Variants in GPC1 observed in about 807,000 individuals in gnomAD.
GPC1 encodes the protein glypican-1.
In GPC1, 26 loss-of-function variants were observed where a neutral mutation model predicts 51.5. The ratio of observed to expected loss-of-function variants is 0.50; its 90% confidence interval spans 0.37 to 0.70. The LOEUF (loss-of-function observed/expected upper bound fraction) is 0.70. Among genes scored for constraint, GPC1 ranks in the 30% least tolerant of loss-of-function variants. The pLI is 0.00. For synonymous variants in GPC1, 380 were observed against 348.3 expected (o/e 1.09, Z -1.01); for missense variants, 775 against 800.5 (o/e 0.97, Z 0.38).
At chr2:240,457,295 C>T (rs1301599461) in intron 1 of GPC1, 6 of 412,624 alleles carry the variant, frequency 1.5e-5, no homozygotes, top group Non-Finnish European at 2.7e-5. Context: ...GACAACCTGT[C>T]TCCTTGCTGT....
chr2:240,452,799 C>T (rs2074112611), intron 1 of GPC1: 1 of 150,980 alleles, frequency 6.6e-6, no homozygotes, highest in East Asian at 1.9e-4. Context: ...GGAGCCACCG[C>T]CCTCGGCCGT....
At chr2:240,464,247 G>C (rs888065168) in intron 4 of GPC1, 8 of 310,852 alleles carry the variant, frequency 2.6e-5, no homozygotes, top group Non-Finnish European at 4.4e-5. Flanking sequence ...ATACACACCA[G>C]CTCACACGGG....
chr2:240,462,419 C>G lies in GPC1; in HGVS notation c.554C>G (p.Pro185Arg), dbSNP rs1479499366. The change falls in exon 3 of 9, where the codon CCT becomes CGT. Residue 185 changes from proline to arginine, a missense_variant. Physicochemically the swap from Pro to Arg is moderately radical, Grantham distance 103. Coordinates refer to ENST00000264039, the MANE Select transcript of GPC1 (RefSeq NM_002081.3). The stretch of plus-strand genomic sequence containing the variant: ...CAGCTGCACCCCCAGCTGCTGCTGC[C>G]TGATGACTACCTGGACTGCCTGGGC... ...FKQLHPQLLL[P>R]DDYLDCLGKQ... is the part of the protein sequence containing the mutation. The G allele has an allele frequency of 6.2e-7, 1 of 1,604,456 alleles. No individual in the cohort carries two copies. The highest frequency in any genetic ancestry group is 8.5e-7 in the Non-Finnish European group (1 of 1,176,136).
chr2:240,464,416 C>T (rs2074242641), intron 4 of GPC1, 200 bp from the exon 5 acceptor site: 1 of 616,388 alleles, frequency 1.6e-6, no homozygotes, highest in Non-Finnish European at 2.9e-6. Context: ...CAGGTGCACA[C>T]GTGGGTGTGG....
intron 1 of GPC1, among the ~76,000 whole-genome samples, chr2:240,454,290 C>T (rs895417566): frequency 6.6e-6 from 1 of 152,166 alleles, no homozygotes; most frequent in Non-Finnish European, 1.5e-5. Flanking sequence ...AGGAAAAGAT[C>T]CTCTGCAGCC....
At chr2:240,452,787 C>T (rs1366764319) in intron 1 of GPC1, 1 of 149,090 alleles carries the variant, frequency 6.7e-6, no homozygotes, top group African/African-American at 2.4e-5. Flanking sequence ...GTCCCCGCGC[C>T]GGGAGCCACC....
At chr2:240,444,649 C>T (rs548718072) in intron 1 of GPC1, among the ~76,000 whole-genome samples, 1 of 152,278 alleles carries the variant, frequency 6.6e-6, no homozygotes, top group South Asian at 2.1e-4. Flanking sequence ...AGACGATTTC[C>T]CCAAACACCG....
chr2:240,436,640 G>T (rs950199984), intron 1 of GPC1, among the ~76,000 whole-genome samples: 1 of 152,250 alleles, frequency 6.6e-6, no homozygotes, highest in Non-Finnish European at 1.5e-5. Flanking sequence ...GCCTAGGTGG[G>T]TTTTATAAGC....
At position 240,463,367 on chromosome 2, in the gene GPC1, C is replaced by T; in HGVS notation, c.738C>T (p.Cys246=). ...KVAQVPLGPE[C]SRAVMKLVYC... is the part of the protein sequence containing the mutation. ...CCCAGGTCCCCCTGGGCCCGGAGTG[C>T]TCGAGAGCTGTCATGAAGCTGGTCT... Residue 246 remains cysteine, a synonymous_variant, in exon 4 of 9, where the codon TGC becomes TGT. Coordinates refer to ENST00000264039, the MANE Select transcript of GPC1 (RefSeq NM_002081.3). 1 of 1,612,790 alleles carries T rather than the reference C, an allele frequency of 6.2e-7. No individual in the cohort carries two copies. The highest frequency in any genetic ancestry group is 1.3e-5 in the African/African-American group (1 of 75,044).
At chr2:240,458,289 A>G in intron 1 of GPC1, 1 of 269,734 alleles carries the variant, frequency 3.7e-6, no homozygotes, top group Non-Finnish European at 7.8e-6. Context: ...TCCTGTCCCC[A>G]CTCCCCACAA....
rs531763769 is a variant in GPC1 at position 240,466,367 on chromosome 2, T to G, written c.*77T>G. 18 of 844,564 alleles carry G rather than the reference T, an allele frequency of 2.1e-5. No homozygotes were observed. The African/African-American group carries it at 2.7e-4, about 13-fold the overall frequency. The allele number at this position is 844,564 out of a possible 1,614,324, so 52.3% of individuals were successfully genotyped here. A position where few individuals can be genotyped will look rare whatever the true frequency, so the allele number is the denominator to read the frequency against. On this transcript the variant is annotated 3_prime_UTR_variant, in exon 9 of 9. Coordinates refer to ENST00000264039, the MANE Select transcript of GPC1 (RefSeq NM_002081.3). ...CAACACAGACGATATTTAATTCACC[T>G]CAGCCTGGAGAGGCCTGGGGTGGGA... is the stretch of plus-strand genomic sequence containing the variant.
intron 1 of GPC1, chr2:240,458,251 G>A (rs557831548): frequency 7.2e-4 from 250 of 345,926 alleles, no homozygotes; most frequent in Non-Finnish European, 1.2e-3. Context: ...GGTGTGCACA[G>A]CAGGGCTGAG....
chr2:240,453,858 C>G (rs559762216), intron 1 of GPC1, among the ~76,000 whole-genome samples: 2 of 152,204 alleles, frequency 1.3e-5, no homozygotes, highest in East Asian at 3.9e-4. Context: ...AGCCTTTGTT[C>G]CGCCGCCGGG....
Position 240,462,426 on chromosome 2 carries a change from C to T in GPC1, c.561C>T (p.Asp187=). 6.2e-7 allele frequency: 1 copy of T among 1,605,700 alleles called. No homozygotes were observed. The highest frequency in any genetic ancestry group is 8.5e-7 in the Non-Finnish European group (1 of 1,176,694). Residue 187 remains aspartate, a synonymous_variant, in exon 3 of 9, where the codon GAC becomes GAT. Transcript: ENST00000264039. ...QLHPQLLLPD[D]YLDCLGKQAE... ...ACCCCCAGCTGCTGCTGCCTGATGACTACCTGGACTGCCTGGGCAAGCAGG... is the reference window on the plus strand; with the variant it reads ...ACCCCCAGCTGCTGCTGCCTGATGATTACCTGGACTGCCTGGGCAAGCAGG...
At chr2:240,456,480 G>T (rs927668801) in intron 1 of GPC1, 8 of 397,318 alleles carry the variant, frequency 2.0e-5, no homozygotes, top group Non-Finnish European at 3.8e-5. Context: ...TGGCCTGGGT[G>T]CCCCGTCACA....
At chr2:240,446,040 C>T (rs565988845) in intron 1 of GPC1, among the ~76,000 whole-genome samples, 6 of 152,364 alleles carry the variant, frequency 3.9e-5, no homozygotes, top group African/African-American at 9.6e-5. Context: ...AAAGCGTCTG[C>T]GGCTTCACCA....
chr2:240,458,901 C>A, intron 1 of GPC1, 129 bp from the exon 2 acceptor site: 2 of 781,158 alleles, frequency 2.6e-6, no homozygotes, highest in East Asian at 2.7e-5. Context: ...AGGGCACCCC[C>A]CAGGCTGGCC....
intron 1 of GPC1, 177 bp from the exon 2 acceptor site, chr2:240,458,853 T>G (rs1328824792): frequency 1.7e-6 from 1 of 586,638 alleles, no homozygotes; most frequent in East Asian, 2.9e-5. Context: ...GCCAGGCCTT[T>G]TCCTCCCTCC....
Position 240,439,277 on chromosome 2 carries a change from G to C in GPC1, c.166+3193G>C, listed in dbSNP as rs865898176. ...CCCAGGCCTTCCTGGCTTTATACCT[G>C]GCTGTGCTGGGTGGGGAGCGGGACA... On this transcript the variant is annotated intron_variant, in intron 1 of 8. Transcript: ENST00000264039. Among the ~76,000 whole-genome samples the C allele has an allele frequency of 7.2e-5, 11 of 152,284 alleles. 1 individual carries two copies. In the South Asian group the frequency reaches 2.1e-3, roughly 29 times the overall value.
Sources: allele counts gnomAD v4.1 joint callset (sites outside exome capture counted in the v4.1 genomes callset), GRCh38; gene constraint gnomAD v4.1.1; transcripts MANE v1.5; gene names NCBI Gene and HGNC (gene_info 2026-07-23, HGNC 2026-07-21).